Variants in CD2AP observed in about 807,000 individuals in gnomAD.
CD2AP encodes the protein CD2-associated protein.
Under a neutral mutation model 85.1 loss-of-function variants are expected in CD2AP, and 46 were observed. That is an observed-to-expected ratio of 0.54 (90% CI 0.43 to 0.69). The LOEUF is 0.69. CD2AP is among the 30% of genes least tolerant of loss of function. The pLI is 0.00. For missense variants in CD2AP, 769 were observed against 729.5 expected, an observed-to-expected ratio of 1.05 and a Z score of -0.62; for synonymous variants, 255 against 252.9, an observed-to-expected ratio of 1.01 and a Z score of -0.08.
chr6:47,582,780 G>GTTTTTTTTTTTTTTTTTTTTTTT (rs372960999), intron 11 of CD2AP, among the ~76,000 whole-genome samples: 1 of 136,786 alleles, frequency 7.3e-6, no homozygotes, highest in Non-Finnish European at 1.5e-5. Flanking sequence ...TGTTTTTTTT[G>GTTTTTTTTTTTTTTTTTTTTTTT]TTTTTTTTTG....
At chr6:47,566,323 T>TATATATATATATATATAC in intron 5 of CD2AP, among the ~76,000 whole-genome samples, 27 of 108,452 alleles carry the variant, frequency 2.5e-4, no homozygotes, top group African/African-American at 7.8e-4. Flanking sequence ...TATATATATA[T>TATATATATATATATATAC]ACACATACAC....
intron 11 of CD2AP, among the ~76,000 whole-genome samples, chr6:47,589,379 T>TATACACACACACAC (rs144886557): frequency 5.9e-4 from 82 of 139,428 alleles, no homozygotes; most frequent in East Asian, 1.5e-3. Context: ...CTCTTGAATA[T>TATACACACACACAC]ACACACACAC....
At chr6:47,609,096 T>TAA in intron 15 of CD2AP, 27 bp from the exon 16 acceptor site, 3 of 1,541,146 alleles carry the variant, frequency 1.9e-6, no homozygotes, top group Non-Finnish European at 2.6e-6. Context: ...TTAAATAAAA[T>TAA]CAGAAATTTT....
chr6:47,562,934 T>C (rs564109027), intron 5 of CD2AP: 3 of 595,416 alleles, frequency 5.0e-6, no homozygotes, highest in African/African-American at 1.8e-5. Flanking sequence ...ATAAAGAAAT[T>C]GGTTGTGGTT....
At chr6:47,575,254 T>G (rs907358997) in intron 6 of CD2AP, among the ~76,000 whole-genome samples, 6 of 152,170 alleles carry the variant, frequency 3.9e-5, no homozygotes, top group Non-Finnish European at 8.8e-5. Flanking sequence ...TCTATAGCCA[T>G]GTAACAGCTA....
intron 12 of CD2AP, among the ~76,000 whole-genome samples, chr6:47,596,468 C>G (rs34977645): frequency 6.6e-6 from 1 of 151,954 alleles, no homozygotes; most frequent in Admixed American, 6.6e-5. Context: ...TACTCTATTT[C>G]TATGGGATCA....
chr6:47,595,537 T>C lies in CD2AP; in HGVS notation c.1109-324T>C, dbSNP rs112851718. ...TAATTTTCTGGTTAGAGTAAAATCATGTGTGGTTGTATTTGAGATAGACTA... is the reference window on the plus strand; with the variant it reads ...TAATTTTCTGGTTAGAGTAAAATCACGTGTGGTTGTATTTGAGATAGACTA... On this transcript the variant is annotated intron_variant, in intron 11 of 17. Transcript: ENST00000359314. Among the ~76,000 whole-genome samples the C allele has an allele frequency of 1.5e-3, 221 of 152,164 alleles. 1 individual carries two copies. Among genetic ancestry groups the C allele is most frequent in the African/African-American group, 4.3e-3 (177 of 41,558 alleles).
Position 47,579,424 on chromosome 6 carries a change from G to A in CD2AP, c.943G>A (p.Gly315Ser). The A allele has an allele frequency of 6.2e-7, 1 of 1,613,186 alleles. No homozygotes were observed. ...EAGWWRGELN[G>S]KEGVFPDNFA... The stretch of plus-strand genomic sequence containing the variant: ...TGGCTGGTGGAGGGGCGAACTTAAT[G>A]GTAAAGAAGGAGTATTTCCAGACAA... Residue 315 changes from glycine to serine, a missense_variant, in exon 9 of 18, where the codon GGT becomes AGT. Gly to Ser is a moderately conservative substitution (Grantham distance 56). Transcript: ENST00000359314.
chr6:47,599,258 T>C, intron 12 of CD2AP, 43 bp from the exon 13 acceptor site: 2 of 1,551,990 alleles, frequency 1.3e-6, no homozygotes, highest in Non-Finnish European at 1.8e-6. Context: ...AAAAAAGTCG[T>C]GTTTCATACT....
chr6:47,553,551 A>T (rs1214412061), intron 4 of CD2AP, among the ~76,000 whole-genome samples: 1 of 113,996 alleles, frequency 8.8e-6, no homozygotes, highest in African/African-American at 3.4e-5. Flanking sequence ...TTTTTAGTAG[A>T]GGTGGGATTT....
At chr6:47,532,174 T>C (rs1174196750) in intron 2 of CD2AP, among the ~76,000 whole-genome samples, 1 of 151,868 alleles carries the variant, frequency 6.6e-6, no homozygotes, top group Non-Finnish European at 1.5e-5. Context: ...TATTCTATTG[T>C]AAAGGTTAAG....
chr6:47,502,125 G>A (rs1766011841), intron 1 of CD2AP, among the ~76,000 whole-genome samples: 1 of 152,100 alleles, frequency 6.6e-6, no homozygotes, highest in South Asian at 2.1e-4. Context: ...GGTTGTTGGA[G>A]TAAGGGCCTC....
chr6:47,578,108 A>G (rs760419409), intron 8 of CD2AP, among the ~76,000 whole-genome samples: 8 of 152,160 alleles, frequency 5.3e-5, no homozygotes, highest in Non-Finnish European at 1.2e-4. Context: ...GTGAATTTTC[A>G]TATTAATATA....
intron 5 of CD2AP, among the ~76,000 whole-genome samples, chr6:47,564,630 A>T (rs1002208150): frequency 1.3e-5 from 2 of 151,166 alleles, no homozygotes; most frequent in Non-Finnish European, 3.0e-5. Flanking sequence ...GTACACTATA[A>T]TTTTTTTTTC....
rs182765815 is a variant in CD2AP, at chr6:47,492,099, G to A, written c.5-11181G>A. 7.2e-4 allele frequency among the ~76,000 whole-genome samples: 109 copies of A among 152,102 alleles called. 1 individual carries two copies. The highest frequency in any genetic ancestry group is 1.3e-3 in the Non-Finnish European group (87 of 67,982). On this transcript the variant is annotated intron_variant, in intron 1 of 17. Transcript: ENST00000359314. Reference sequence around the variant, plus strand: ...GTTTAGTTACTTTGAAACTTTGACCGTTTTACTTTAAGTTTAGAAATTTCT... The same window carrying A: ...GTTTAGTTACTTTGAAACTTTGACCATTTTACTTTAAGTTTAGAAATTTCT...
At chr6:47,591,568 T>C (rs1302671053) in intron 11 of CD2AP, among the ~76,000 whole-genome samples, 1 of 152,132 alleles carries the variant, frequency 6.6e-6, no homozygotes, top group East Asian at 1.9e-4. Context: ...TTTTTTAAAT[T>C]AGAATTTATG....
rs138376869 is a variant in CD2AP at position 47,577,978 on chromosome 6, G to T, written c.903+875G>T. 4.6e-5 allele frequency among the ~76,000 whole-genome samples: 7 copies of T among 152,152 alleles called. No homozygotes were observed. The East Asian group carries it at 1.3e-3, about 29-fold the overall frequency. On this transcript the variant is annotated intron_variant, in intron 8 of 17. Coordinates refer to ENST00000359314, the MANE Select transcript of CD2AP (RefSeq NM_012120.3). ...AAAGTATAATGATGTTATAGGATAC[G>T]TAGTAATAAAAAGGTTATTATAGTG...
intron 3 of CD2AP, among the ~76,000 whole-genome samples, chr6:47,538,800 A>G (rs1345677408): frequency 6.6e-6 from 1 of 152,192 alleles, no homozygotes; most frequent in Non-Finnish European, 1.5e-5. Flanking sequence ...TGATCTGAAT[A>G]TTTACATCTA....
At chr6:47,481,987 T>A (rs1034348688) in intron 1 of CD2AP, among the ~76,000 whole-genome samples, 2 of 150,312 alleles carry the variant, frequency 1.3e-5, no homozygotes, top group African/African-American at 4.9e-5. Context: ...TCTCAAACTC[T>A]TGGCCTCAAG....
Sources: allele counts gnomAD v4.1 joint callset (sites outside exome capture counted in the v4.1 genomes callset), GRCh38; gene constraint gnomAD v4.1.1; transcripts MANE v1.5; gene names NCBI Gene and HGNC (gene_info 2026-07-23, HGNC 2026-07-21).